Variants in DOT1L observed in about 807,000 individuals in gnomAD.
The protein encoded by DOT1L is DOT1 like histone lysine methyltransferase.
A neutral mutation model predicts 153.3 loss-of-function variants in DOT1L; 33 were observed. The observed-to-expected ratio is 0.22, with a 90% CI of 0.16 to 0.29. DOT1L has a LOEUF of 0.29. Ranked by LOEUF, DOT1L falls within the 10% of genes least tolerant of loss-of-function variation. DOT1L has a pLI of 1.00. For missense variants in DOT1L, 1,847 were observed against 2,119.9 expected, an observed-to-expected ratio of 0.87 and a Z score of 2.53; for synonymous variants, 1,135 against 965.1, an observed-to-expected ratio of 1.18 and a Z score of -3.26.
Position 2,220,812 on chromosome 19 carries a change from A to AC in DOT1L, c.2806+595dup. The AC allele has an allele frequency of 6.9e-6, 2 of 288,066 alleles. No homozygotes were observed. The highest frequency in any genetic ancestry group is 9.3e-5 in the East Asian group (1 of 10,724). 17.8% of individuals were successfully genotyped at this position (288,066 alleles called of 1,614,324 possible). A position where few individuals can be genotyped will look rare whatever the true frequency, so the allele number is the denominator to read the frequency against. On this transcript the variant is annotated intron_variant, in intron 23 of 27. Transcript: ENST00000398665. The surrounding 1 kb of genome is among the most constrained non-coding windows in gnomAD (Gnocchi z 4.5). ...TACTTAAAACAGCAGAGGACATGAGACCCCCAGGCTGGTTTGCTGGCCCCA... is the reference window on the plus strand; with the variant it reads ...TACTTAAAACAGCAGAGGACATGAGACCCCCCAGGCTGGTTTGCTGGCCCCA...
In DOT1L at chr19:2,191,305, A is replaced by G; in HGVS notation, c.493+65A>G. On this transcript the variant is annotated intron_variant, in intron 5 of 27. Coordinates refer to ENST00000398665, the MANE Select transcript of DOT1L (RefSeq NM_032482.3). The surrounding 1 kb of genome is among the most constrained non-coding windows in gnomAD (Gnocchi z 6.8). ...AGGCCACACGCTCTGTGCCTGCCCC[A>G]TGCCTGCTTGGAGAAGAGTTTATCA... 3 of 1,510,570 alleles carry G rather than the reference A, an allele frequency of 2.0e-6. No homozygotes were observed. The highest frequency in any genetic ancestry group is 9.2e-7 in the Non-Finnish European group (1 of 1,091,376). The allele number at this position is 1,510,570 out of a possible 1,614,324, so 93.6% of individuals were successfully genotyped here.
Position 2,231,774 on chromosome 19 carries a change from T to G in DOT1L, c.*1982T>G. The G allele has an allele frequency of 4.7e-6, 1 of 214,014 alleles. No homozygotes were observed. The highest frequency in any genetic ancestry group is 2.3e-5 in the African/African-American group (1 of 44,306). The allele number at this position is 214,014 out of a possible 1,614,324, so 13.3% of individuals were successfully genotyped here. A position where few individuals can be genotyped will look rare whatever the true frequency, so the allele number is the denominator to read the frequency against. On this transcript the variant is annotated 3_prime_UTR_variant, in exon 28 of 28. Coordinates refer to ENST00000398665, the MANE Select transcript of DOT1L (RefSeq NM_032482.3). Reference sequence around the variant, plus strand: ...AACAAGACACATTCTTTAAACACTGTATTACTTCTGCCTCCCTCTAGGTGA... The same window carrying G: ...AACAAGACACATTCTTTAAACACTGGATTACTTCTGCCTCCCTCTAGGTGA...
In DOT1L at chr19:2,220,037, C is replaced by T; in HGVS notation, c.2692-71C>T. 7.0e-7 allele frequency: 1 copy of T among 1,422,820 alleles called. No individual in the cohort carries two copies. Among genetic ancestry groups the T allele is most frequent in the Admixed American group, 1.9e-5 (1 of 51,380 alleles). 88.1% of individuals were successfully genotyped at this position (1,422,820 alleles called of 1,614,324 possible). On this transcript the variant is annotated intron_variant, in intron 22 of 27. Transcript: ENST00000398665. This position sits in a 1 kb window ranked among gnomAD's most constrained non-coding sequence, Gnocchi z 4.5. ...AGCCAGCTGCAGGCCTCAACACTCA[C>T]TGTTTCCAGCTGGGTTCTGGGTCTC... is the stretch of plus-strand genomic sequence containing the variant.
chr19:2,189,553 GA>G (rs1481909751), intron 3 of DOT1L, among the ~76,000 whole-genome samples, 178 bp from the exon 4 acceptor site: 1 of 152,234 alleles, frequency 6.6e-6, no homozygotes, highest in Non-Finnish European at 1.5e-5. Context: ...TGTCAAACCT[GA>G]AATCTCCTGC....
intron 9 of DOT1L, among the ~76,000 whole-genome samples, 186 bp downstream of exon 9, chr19:2,202,965 A>T (rs1004505610): frequency 2.6e-5 from 4 of 152,138 alleles, no homozygotes; most frequent in Non-Finnish European, 4.4e-5. Context: ...TCTGTCACCC[A>T]GGCTGGAGTG....
At position 2,164,031 on chromosome 19, in the gene DOT1L, G is replaced by C. The variant is rs2019811373; in HGVS notation, c.-154G>C. 4.0e-6 allele frequency: 1 copy of C among 247,696 alleles called. No individual in the cohort carries two copies. Among genetic ancestry groups the C allele is most frequent in the South Asian group, 1.4e-4 (1 of 7,070 alleles). 15.3% of individuals were successfully genotyped at this position (247,696 alleles called of 1,614,324 possible). On this transcript the variant is annotated 5_prime_UTR_variant, in exon 1 of 28. Transcript: ENST00000398665. ...GTCGGGGGCCGGGCCGGACCGGAGC[G>C]CGGCGGCGGCGGCGGCGGCGGCCGA...
rs758184437 is a variant in DOT1L, at chr19:2,216,659, G to A, written c.2302G>A (p.Ala768Thr). 2.1e-5 allele frequency: 33 copies of A among 1,604,508 alleles called. No individual in the cohort carries two copies. The highest frequency in any genetic ancestry group is 4.4e-5 in the South Asian group (4 of 91,078). ...CCTGGAGAAGCTGTCTGGCCTAGCCGCACCCGACTACACTAGGCTGTCCCC... is the reference window on the plus strand; with the variant it reads ...CCTGGAGAAGCTGTCTGGCCTAGCCACACCCGACTACACTAGGCTGTCCCC... ...PRLEKLSGLA[A>T]PDYTRLSPAK... The change falls in exon 20 of 28, where the codon GCA becomes ACA. Residue 768 changes from alanine (A) to threonine (T), a missense_variant. Physicochemically the swap from Ala to Thr is moderately conservative, Grantham distance 58. Coordinates refer to ENST00000398665, the MANE Select transcript of DOT1L (RefSeq NM_032482.3).
At chr19:2,164,360 C>A (rs1046179091) in intron 1 of DOT1L, 95 bp downstream of exon 1, 6 of 828,852 alleles carry the variant, frequency 7.2e-6, no homozygotes, top group African/African-American at 1.8e-5. Flanking sequence ...GCTCACCGGT[C>A]CCCCCTGCGG....
intron 2 of DOT1L, 64 bp from the exon 3 acceptor site, chr19:2,185,787 AAAAC>A (rs1342007821): frequency 6.4e-6 from 10 of 1,568,114 alleles, no homozygotes; most frequent in Admixed American, 5.1e-5. Context: ...AACAAAAACA[AAAAC>A]AAAACACAAA....
intron 27 of DOT1L, 126 bp downstream of exon 27, chr19:2,227,253 C>A: frequency 7.9e-7 from 1 of 1,258,276 alleles, no homozygotes; most frequent in Non-Finnish European, 1.2e-6. Context: ...TGCCGGCCGG[C>A]CCCCGCCATC....
At position 2,226,713 on chromosome 19, in the gene DOT1L, G is replaced by C. The variant is rs780009010; in HGVS notation, c.4192G>C (p.Gly1398Arg). ...AGGGGAGGGCGGCCTACCGCTGTGC[G>C]GGCCCACGGACAAGACCCCACTGCT... ...EAGEGGLPLC[G>R]PTDKTPLLSG... The change falls in exon 27 of 28, where the codon GGG becomes CGG. Residue 1398 changes from glycine (G) to arginine (R), a missense_variant. Physicochemically the swap from Gly to Arg is moderately radical, Grantham distance 125 (BLOSUM62 -2). This residue lies in a region of DOT1L where 934 missense variants were observed against 825.3 expected (regional missense o/e 1.13). Coordinates refer to ENST00000398665, the MANE Select transcript of DOT1L (RefSeq NM_032482.3). The C allele has an allele frequency of 6.4e-7, 1 of 1,565,644 alleles. No homozygotes were observed. Among genetic ancestry groups the C allele is most frequent in the South Asian group, 1.2e-5 (1 of 85,264 alleles).
At chr19:2,226,044 G>T in intron 26 of DOT1L, 139 bp from the exon 27 acceptor site, 1 of 912,108 alleles carries the variant, frequency 1.1e-6, no homozygotes, top group Non-Finnish European at 1.6e-6. Context: ...CTCCCATCCT[G>T]TCCCGCTTGG....
Position 2,232,122 on chromosome 19 carries a change from C to T in DOT1L, c.*2330C>T, listed in dbSNP as rs905537262. 5.4e-5 allele frequency: 11 copies of T among 204,822 alleles called. No individual in the cohort carries two copies. The highest frequency in any genetic ancestry group is 1.5e-4 in the East Asian group (2 of 13,358). The allele number at this position is 204,822 out of a possible 1,614,324, so 12.7% of individuals were successfully genotyped here. On this transcript the variant is annotated 3_prime_UTR_variant, in exon 28 of 28. Transcript: ENST00000398665. ...GGTGCTGGCACCTGGCCTGAGTTTCCGTGGGCAGCTGGCGGGGACCTGTGC... is the reference window on the plus strand; with the variant it reads ...GGTGCTGGCACCTGGCCTGAGTTTCTGTGGGCAGCTGGCGGGGACCTGTGC...
At chr19:2,177,926 A>G (rs1361704586) in intron 1 of DOT1L, among the ~76,000 whole-genome samples, 1 of 143,248 alleles carries the variant, frequency 7.0e-6, no homozygotes, top group Admixed American at 7.0e-5. Context: ...ACACCTAGCA[A>G]TTTTTTTTTT....
At chr19:2,228,549 A>T in intron 27 of DOT1L, 1 of 985,336 alleles carries the variant, frequency 1.0e-6, no homozygotes, top group Non-Finnish European at 1.2e-6. Flanking sequence ...GGACTACAGG[A>T]CGGGCACCAG....
In DOT1L at chr19:2,190,403, C is replaced by T. The variant is rs951444867; in HGVS notation, c.264+608C>T. ...GTGGAGGGAGCCCTGGTGGGGGTGG[C>T]ATGGGCTCACTTGGCCCTCCTGAGT... On this transcript the variant is annotated intron_variant, in intron 4 of 27. Transcript: ENST00000398665. The surrounding 1 kb of genome is among the most constrained non-coding windows in gnomAD (Gnocchi z 4.8). 1.3e-5 allele frequency among the ~76,000 whole-genome samples: 2 copies of T among 152,154 alleles called. No individual in the cohort carries two copies. Among genetic ancestry groups the T allele is most frequent in the Admixed American group, 1.3e-4 (2 of 15,278 alleles).
chr19:2,218,994 C>G (rs2024014695), intron 22 of DOT1L, among the ~76,000 whole-genome samples: 1 of 152,220 alleles, frequency 6.6e-6, no homozygotes, highest in African/African-American at 2.4e-5. Flanking sequence ...GCCTCAGCCT[C>G]CCGAGTAGCT....
At position 2,213,526 on chromosome 19, in the gene DOT1L, G is replaced by A; in HGVS notation, c.1558-13G>A. On this transcript the variant is annotated splice_polypyrimidine_tract_variant and intron_variant, in intron 16 of 27. Coordinates refer to ENST00000398665, the MANE Select transcript of DOT1L (RefSeq NM_032482.3). The stretch of plus-strand genomic sequence containing the variant: ...GCCCTGGCCCTTAGTCACCTGCCCT[G>A]TTTGTCCTACAGGAGAAGAACGCCC... 1 of 1,611,868 alleles carries A rather than the reference G, an allele frequency of 6.2e-7. No homozygotes were observed. The highest frequency in any genetic ancestry group is 8.5e-7 in the Non-Finnish European group (1 of 1,179,742).
chr19:2,200,295 C>G (rs2023198702), intron 8 of DOT1L, among the ~76,000 whole-genome samples: 1 of 151,924 alleles, frequency 6.6e-6, no homozygotes, highest in African/African-American at 2.4e-5. Flanking sequence ...TCCATCCCTT[C>G]TGGAGTGGCT....
Sources: allele counts gnomAD v4.1 joint callset (sites outside exome capture counted in the v4.1 genomes callset), GRCh38; gene constraint gnomAD v4.1.1; regional missense constraint gnomAD v4.1.1; non-coding constraint Gnocchi (gnomAD v3.1); transcripts MANE v1.5; gene names NCBI Gene and HGNC (gene_info 2026-07-23, HGNC 2026-07-21).